Variants in TENM4 observed in about 807,000 individuals in gnomAD.
TENM4 encodes the protein teneurin transmembrane protein 4, also known as teneurin-4.
Under a neutral mutation model 243.3 loss-of-function variants are expected in TENM4, and 82 were observed. That is an observed-to-expected ratio of 0.34 (90% confidence interval 0.28 to 0.40). The LOEUF (loss-of-function observed/expected upper bound fraction) is 0.40, where lower values mean the gene tolerates loss of function less well. Among genes scored for constraint, TENM4 ranks in the 10% least tolerant of loss-of-function variants. TENM4 has a pLI of 1.00. For missense variants in TENM4, 3,138 were observed against 3,673.3 expected (o/e 0.85, Z 3.77); for synonymous variants, 1,412 against 1,456.3 (o/e 0.97, Z 0.69).
chr11:78,897,663 G>C lies in TENM4; in HGVS notation c.749+5605C>G, dbSNP rs1855828560. ...AGGTCTGTCTCCCTCAAAAGACGGT[G>C]AGCTTCTTAATAACAGTTGGCTGTG... is the stretch of plus-strand genomic sequence containing the variant. On this transcript the variant is annotated intron_variant, in intron 7 of 33. Transcript: ENST00000278550. 2.0e-5 allele frequency among the ~76,000 whole-genome samples: 3 copies of C among 152,144 alleles called. No homozygotes were observed. In the South Asian group the frequency reaches 6.2e-4, roughly 31 times the overall value.
chr11:78,676,073 A>C, intron 30 of TENM4, 79 bp downstream of exon 30: 1 of 1,323,932 alleles, frequency 7.6e-7, no homozygotes, highest in Non-Finnish European at 1.0e-6. Flanking sequence ...GTCCCAGGGA[A>C]TTTCAAGAAC....
chr11:79,260,093 TCAAA>T (rs1300794366), intron 2 of TENM4, among the ~76,000 whole-genome samples: 2 of 152,208 alleles, frequency 1.3e-5, no homozygotes, highest in Non-Finnish European at 2.9e-5. Context: ...ACATTGTGCC[TCAAA>T]CATAGTTGTA....
At chr11:78,701,407 A>G (rs781541570) in intron 28 of TENM4, 119 bp downstream of exon 28, 1 of 1,278,484 alleles carries the variant, frequency 7.8e-7, no homozygotes, top group Non-Finnish European at 1.1e-6. Context: ...AGAATGTATT[A>G]TAAGTAATAG....
chr11:78,709,918 A>G (rs557762161), intron 26 of TENM4, among the ~76,000 whole-genome samples: 1 of 152,348 alleles, frequency 6.6e-6, no homozygotes, highest in African/African-American at 2.4e-5. Flanking sequence ...AATCAGACAT[A>G]ACCATGAACT....
At chr11:79,159,735 T>C (rs758893044) in intron 3 of TENM4, among the ~76,000 whole-genome samples, 16 of 152,188 alleles carry the variant, frequency 1.1e-4, no homozygotes, top group Non-Finnish European at 1.2e-4. Context: ...GAAGAGTGAT[T>C]TGACTACTGG....
intron 6 of TENM4, among the ~76,000 whole-genome samples, chr11:79,010,776 G>A (rs1858623787): frequency 6.6e-6 from 1 of 152,108 alleles, no homozygotes; most frequent in Non-Finnish European, 1.5e-5. Flanking sequence ...TGAGATTTGG[G>A]TGGGGACACA....
chr11:78,986,534 T>C (rs1056814720), intron 6 of TENM4, among the ~76,000 whole-genome samples: 33 of 152,124 alleles, frequency 2.2e-4, no homozygotes, highest in Non-Finnish European at 5.9e-5. Flanking sequence ...AATTTTATCT[T>C]GGTTCTTTGG....
At chr11:79,049,939 C>T (rs1445171959) in intron 6 of TENM4, among the ~76,000 whole-genome samples, 1 of 152,222 alleles carries the variant, frequency 6.6e-6, no homozygotes, top group East Asian at 1.9e-4. Context: ...TTTCCCTTTG[C>T]TGATTTGCTT....
chr11:78,903,027 C>G (rs1855966807), intron 7 of TENM4, among the ~76,000 whole-genome samples: 1 of 152,164 alleles, frequency 6.6e-6, no homozygotes, highest in Non-Finnish European at 1.5e-5. Flanking sequence ...CGGGGGGTGT[C>G]TAGCAACTTG....
chr11:78,898,193 T>C (rs1368566106), intron 7 of TENM4, among the ~76,000 whole-genome samples: 1 of 152,124 alleles, frequency 6.6e-6, no homozygotes. Context: ...GGCTCCTCAA[T>C]GGGGGACTCA....
At chr11:79,301,454 C>T (rs1856547981) in intron 1 of TENM4, among the ~76,000 whole-genome samples, 2 of 152,120 alleles carry the variant, frequency 1.3e-5, no homozygotes, top group South Asian at 2.1e-4. Context: ...TCAGGCTTCT[C>T]GACTCCAATG....
chr11:78,740,026 G>A (rs1358439960), intron 19 of TENM4, among the ~76,000 whole-genome samples: 1 of 152,206 alleles, frequency 6.6e-6, no homozygotes, highest in Non-Finnish European at 1.5e-5. Flanking sequence ...CCGCACATTG[G>A]GGAGAAAGCC....
At chr11:78,711,769 G>GTC (rs1383433034) in intron 26 of TENM4, among the ~76,000 whole-genome samples, 1 of 152,102 alleles carries the variant, frequency 6.6e-6, no homozygotes, top group East Asian at 1.9e-4. Context: ...AGGCACAGGG[G>GTC]TCTCTCTTGG....
intron 1 of TENM4, among the ~76,000 whole-genome samples, chr11:79,412,992 C>T (rs576954442): frequency 3.3e-5 from 5 of 152,316 alleles, no homozygotes; most frequent in African/African-American, 1.2e-4. Context: ...GCTAGAGGCA[C>T]CCATGGTGGG....
At chr11:79,204,241 T>C (rs1863803345) in intron 3 of TENM4, among the ~76,000 whole-genome samples, 1 of 152,170 alleles carries the variant, frequency 6.6e-6, no homozygotes, top group African/African-American at 2.4e-5. Flanking sequence ...AGCACTGAAT[T>C]GTACACTTTA....
chr11:78,866,401 C>T (rs192845691), intron 9 of TENM4, among the ~76,000 whole-genome samples: 9 of 125,464 alleles, frequency 7.2e-5, no homozygotes, highest in Admixed American at 4.2e-4. Context: ...TGAAGAGAAA[C>T]ATTTTTATTG....
At chr11:79,330,295 A>G (rs749384815) in intron 1 of TENM4, among the ~76,000 whole-genome samples, 2 of 152,156 alleles carry the variant, frequency 1.3e-5, no homozygotes, top group African/African-American at 4.8e-5. Context: ...AGGAAAATGG[A>G]AGAATTGATG....
At chr11:79,346,317 C>T (rs540590148) in intron 1 of TENM4, among the ~76,000 whole-genome samples, 1 of 152,140 alleles carries the variant, frequency 6.6e-6, no homozygotes, top group Non-Finnish European at 1.5e-5. Flanking sequence ...CTCCTTTCCA[C>T]CTAGGTTACC....
At chr11:78,870,372 G>A (rs989382113) in intron 9 of TENM4, among the ~76,000 whole-genome samples, 7 of 151,790 alleles carry the variant, frequency 4.6e-5, no homozygotes, top group African/African-American at 1.7e-4. Context: ...TCTTTAAATT[G>A]AGGGCCCTCA....
Sources: gnomAD v4.1 joint callset for allele counts (sites outside exome capture counted in the v4.1 genomes callset) on GRCh38, gnomAD v4.1.1 for gene constraint, MANE v1.5 for transcripts, NCBI Gene and HGNC (gene_info 2026-07-23, HGNC 2026-07-21) for gene names.